NEB: variants seen among roughly 807,000 people sequenced by gnomAD.
NEB encodes nemaline myopathy type 2.
In NEB, 512 loss-of-function variants were observed where a neutral mutation model predicts 952.2. The ratio of observed to expected loss-of-function variants is 0.54; its 90% CI spans 0.50 to 0.58. The LOEUF (loss-of-function observed/expected upper bound fraction) is 0.58, where lower values mean the gene tolerates loss of function less well. Among genes scored for constraint, NEB ranks in the 20% least tolerant of loss-of-function variants. The pLI is 0.00. For missense variants in NEB, 8,428 were observed against 9,231.1 expected (o/e 0.91, Z 3.56); for synonymous variants, 2,900 against 3,149.8 (o/e 0.92, Z 2.66).
At chr2:151,510,644 A>G (rs535869893) in intron 161 of NEB, among the ~76,000 whole-genome samples, 2 of 152,188 alleles carry the variant, frequency 1.3e-5, no homozygotes, top group Non-Finnish European at 2.9e-5. Flanking sequence ...TATTGTTATA[A>G]TTGTTCTATT....
chr2:151,643,011 A>G, intron 58 of NEB, 139 bp downstream of exon 58: 2 of 1,155,394 alleles, frequency 1.7e-6, no homozygotes, highest in Non-Finnish European at 1.2e-6. Context: ...GTCTTGTGTC[A>G]ATAAGAAGCA....
chr2:151,722,263 C>G (rs1347865158), intron 9 of NEB, among the ~76,000 whole-genome samples: 1 of 152,158 alleles, frequency 6.6e-6, no homozygotes, highest in Non-Finnish European at 1.5e-5. Context: ...TGGCCTCCCG[C>G]AAATCCAATG....
intron 140 of NEB, 130 bp downstream of exon 140, chr2:151,537,742 T>C (rs1426328902): frequency 3.6e-6 from 2 of 556,764 alleles, no homozygotes; most frequent in Non-Finnish European, 6.0e-6. Flanking sequence ...TTGAGTTTTA[T>C]GATTTAAACA....
At chr2:151,730,557 G>A (rs1045245141) in intron 3 of NEB, among the ~76,000 whole-genome samples, 4 of 142,882 alleles carry the variant, frequency 2.8e-5, no homozygotes, top group East Asian at 2.2e-4. Flanking sequence ...GGAGAGGCTC[G>A]TTTAGGCCAA....
In NEB at chr2:151,533,529, A is replaced by G. The variant is rs2092313463; in HGVS notation, c.21330T>C (p.Ser7110=). The part of the protein sequence containing the change: ...QLMNERKYKS[S]AKMFLQHGCN... ...ATCCATGTTGCAGAAACATCTTGGC[A>G]CTAGATTTATATTTTCTCTGTCCAT... The change falls in exon 143 of 182, where the codon AGT becomes AGC. Residue 7110 remains serine, a synonymous_variant. Transcript: ENST00000397345. 6.4e-7 allele frequency: 1 copy of G among 1,550,532 alleles called. No homozygotes were observed. Among genetic ancestry groups the G allele is most frequent in the Non-Finnish European group, 8.7e-7 (1 of 1,146,160 alleles).
intron 65 of NEB, among the ~76,000 whole-genome samples, chr2:151,632,471 T>A (rs2098688225): frequency 6.6e-6 from 1 of 151,266 alleles, no homozygotes. Flanking sequence ...AGGTCAGGAG[T>A]TGGAGACCAG....
At chr2:151,733,310 C>G in intron 2 of NEB, 125 bp from the exon 3 acceptor site, 1 of 674,740 alleles carries the variant, frequency 1.5e-6, no homozygotes, top group South Asian at 2.3e-5. Context: ...TTGTTGCAGG[C>G]TAAAGGAGAG....
intron 170 of NEB, 200 bp downstream of exon 170, chr2:151,498,060 A>G (rs2061500169): frequency 2.1e-6 from 3 of 1,454,546 alleles, no homozygotes; most frequent in Middle Eastern, 3.9e-4. Flanking sequence ...TATTTTTAAA[A>G]CATGTTTGTT....
Position 151,554,954 on chromosome 2 carries a change from G to A in NEB, c.19405C>T (p.Arg6469Ter), listed in dbSNP as rs1553740233. The change falls in exon 125 of 182, where the codon CGA (arginine) becomes TGA (stop). Residue 6469 changes from arginine (R) to a stop codon, truncating the protein, a stop_gained. Transcript: ENST00000397345. LOFTEE classifies it high-confidence loss of function. ...ACATCGATGTTAAGCTTGCCAACTC[G>A]GAGGCACCGTGCTGTGTTCGGATCA... Reference protein sequence around the residue: ...DDDPNTARCLRVGKLNIDRLY... With the variant: ...DDDPNTARCL 4 of 1,613,462 alleles carry A rather than the reference G, an allele frequency of 2.5e-6. No homozygotes were observed. Among genetic ancestry groups the A allele is most frequent in the South Asian group, 1.1e-5 (1 of 91,080 alleles).
chr2:151,542,731 C>A (rs1010774581), intron 135 of NEB, among the ~76,000 whole-genome samples: 4 of 152,180 alleles, frequency 2.6e-5, no homozygotes, highest in African/African-American at 9.7e-5. Context: ...CTCTATTGGA[C>A]CACCCCACGT....
At chr2:151,724,518 T>C (rs1415932417) in intron 7 of NEB, among the ~76,000 whole-genome samples, 154 bp from the exon 8 acceptor site, 1 of 152,192 alleles carries the variant, frequency 6.6e-6, no homozygotes, top group African/African-American at 2.4e-5. Context: ...CTATAATACT[T>C]TTCCTACAAT....
chr2:151,545,252 G>A (rs2094533182), intron 135 of NEB, among the ~76,000 whole-genome samples: 1 of 152,150 alleles, frequency 6.6e-6, no homozygotes, highest in Admixed American at 6.5e-5. Flanking sequence ...TTTGAAATAA[G>A]TTTAGAGACA....
chr2:151,571,129 C>T (rs2096614404), intron 107 of NEB, among the ~76,000 whole-genome samples: 1 of 152,180 alleles, frequency 6.6e-6, no homozygotes, highest in Admixed American at 6.5e-5. Context: ...CCTCAGCCTC[C>T]CGAGTAGCTG....
At chr2:151,527,777 C>T (rs2087268219) in intron 146 of NEB, among the ~76,000 whole-genome samples, 192 bp from the exon 147 acceptor site, 1 of 152,124 alleles carries the variant, frequency 6.6e-6, no homozygotes, top group Admixed American at 6.6e-5. Flanking sequence ...CTGTTGGGAC[C>T]CTGTGGTCCC....
intron 7 of NEB, 113 bp downstream of exon 7, chr2:151,724,744 C>G: frequency 1.3e-6 from 1 of 785,502 alleles, no homozygotes; most frequent in South Asian, 1.7e-5. Context: ...TGAACTCACA[C>G]TGCCCATGAG....
rs1037597159 is a variant in NEB at position 151,497,103 on chromosome 2, T to TAA, written c.24301-72_24301-71dup. ...TTCATTTGTTGAAAGGTTTTAAGGGTAAGGTCAGCTTCCTTGTTAAGACAA... is the reference window on the plus strand; with the variant it reads ...TTCATTTGTTGAAAGGTTTTAAGGGTAAAAGGTCAGCTTCCTTGTTAAGACAA... On this transcript the variant is annotated intron_variant, in intron 171 of 181. Coordinates refer to ENST00000397345, the MANE Select transcript of NEB (RefSeq NM_001164508.2). 26 of 1,500,180 alleles carry TAA rather than the reference T, an allele frequency of 1.7e-5. No individual in the cohort carries two copies. The African/African-American group carries it at 3.5e-4, about 20-fold the overall frequency. The allele number at this position is 1,500,180 out of a possible 1,614,324, so 92.9% of individuals were successfully genotyped here.
intron 123 of NEB, 146 bp from the exon 124 acceptor site, chr2:151,560,845 G>T (rs530736055): frequency 2.6e-6 from 2 of 766,342 alleles, no homozygotes; most frequent in Admixed American, 2.9e-5. Flanking sequence ...TTATTTAATT[G>T]TACCTACTAG....
At chr2:151,729,583 T>G (rs1355883442) in intron 4 of NEB, 32 bp downstream of exon 4, 1 of 1,609,824 alleles carries the variant, frequency 6.2e-7, no homozygotes, top group Non-Finnish European at 8.5e-7. Flanking sequence ...TTAATGAGAA[T>G]GCAGTTTATG....
At chr2:151,620,872 G>A in intron 72 of NEB, 47 bp downstream of exon 72, 1 of 1,409,158 alleles carries the variant, frequency 7.1e-7, no homozygotes, top group South Asian at 1.2e-5. Context: ...TGTATTCTGT[G>A]TGGCTGGCAT....
Sources: allele counts gnomAD v4.1 joint callset (sites outside exome capture counted in the v4.1 genomes callset), GRCh38; gene constraint gnomAD v4.1.1; transcripts MANE v1.5; gene names NCBI Gene and HGNC (gene_info 2026-07-23, HGNC 2026-07-21).